LARGE1: variants seen among roughly 807,000 people sequenced by gnomAD.
The protein encoded by LARGE1 is xylosyl- and glucuronyltransferase LARGE1.
In LARGE1, 43 loss-of-function variants were observed where a neutral mutation model predicts 87.6. The observed-to-expected ratio is 0.49, with a 90% CI of 0.38 to 0.63. The LOEUF is 0.63. LARGE1 is among the 30% of genes least tolerant of loss of function. The pLI, the probability that LARGE1 is intolerant of heterozygous loss-of-function variation, is 0.00. For synonymous variants in LARGE1, 434 were observed against 394.6 expected (o/e 1.10, Z -1.18); for missense variants, 802 against 1,000.2 (o/e 0.80, Z 2.67).
intron 9 of LARGE1, among the ~76,000 whole-genome samples, chr22:33,342,821 G>A (rs1939311768): frequency 6.6e-6 from 1 of 152,138 alleles, no homozygotes; most frequent in Non-Finnish European, 1.5e-5. Flanking sequence ...TCTTAGGCAA[G>A]CAAAGGCGGT....
Position 33,490,627 on chromosome 22 carries a change from T to G in LARGE1, c.788-58362A>C, listed in dbSNP as rs144446879. Among the ~76,000 whole-genome samples the G allele has an allele frequency of 9.2e-5, 14 of 152,334 alleles. No individual in the cohort carries two copies. In the East Asian group the frequency reaches 2.5e-3, roughly 27 times the overall value. On this transcript the variant is annotated intron_variant, in intron 6 of 14. Transcript: ENST00000397394. Reference sequence around the variant, plus strand: ...TCCAACTAGAGTCAGATCAATCTGATAGTGGATGCCATAGTACCTGGGAAT... The same window carrying G: ...TCCAACTAGAGTCAGATCAATCTGAGAGTGGATGCCATAGTACCTGGGAAT...
At chr22:33,089,321 TTTCTTCTTCTTC>T in the LARGE1 span, among the ~76,000 whole-genome samples, 771 of 87,072 alleles carry the variant, frequency 8.9e-3, 7 homozygotes, top group Non-Finnish European at 0.011. Flanking sequence ...TTCTTTCTTC[TTTCTTCTTCTTC>T]TTCTTCTTCT....
At chr22:33,124,344 C>A in the LARGE1 span, among the ~76,000 whole-genome samples, 1 of 36,768 alleles carries the variant, frequency 2.7e-5, no homozygotes, top group African/African-American at 1.6e-4. Flanking sequence ...GACAAAGAGA[C>A]AAAGAAAGGA....
chr22:33,572,931 A>G (rs1283411353), intron 5 of LARGE1, among the ~76,000 whole-genome samples: 1 of 152,152 alleles, frequency 6.6e-6, no homozygotes, highest in East Asian at 1.9e-4. Context: ...CTGGAGACTG[A>G]CTGACTGGGT....
rs748524999 is a variant in LARGE1, at chr22:33,399,612, G to T, written c.893-15308C>A. On this transcript the variant is annotated intron_variant, in intron 7 of 14. Coordinates refer to ENST00000397394, the MANE Select transcript of LARGE1 (RefSeq NM_133642.5). ...TGCCCAGGCTGGAGTGCAATGGTGC[G>T]ATCTCGGCTCACTGCAAGCTCCACC... 4.7e-4 allele frequency among the ~76,000 whole-genome samples: 71 copies of T among 152,200 alleles called. 1 individual carries two copies. The highest frequency in any genetic ancestry group is 1.7e-3 in the African/African-American group (71 of 41,518).
chr22:33,714,853 G>A (rs921052314), intron 2 of LARGE1, among the ~76,000 whole-genome samples: 16 of 152,296 alleles, frequency 1.1e-4, no homozygotes, highest in East Asian at 3.9e-4. Flanking sequence ...TGATTACCTC[G>A]TGTGTAATGA....
intron 1 of LARGE1, among the ~76,000 whole-genome samples, chr22:33,877,244 TGGTGCCCTGGG>T: frequency 6.6e-6 from 1 of 152,310 alleles, no homozygotes; most frequent in East Asian, 1.9e-4. Flanking sequence ...TGTATAATAA[TGGTGCCCTGGG>T]GGTGCATCTG....
intron 6 of LARGE1, among the ~76,000 whole-genome samples, chr22:33,432,822 G>C (rs1268080430): frequency 6.6e-6 from 1 of 152,120 alleles, no homozygotes; most frequent in Non-Finnish European, 1.5e-5. Context: ...CCTTCTTACA[G>C]GGTTTTTGTT....
chr22:33,475,744 G>A (rs371262794), intron 6 of LARGE1, among the ~76,000 whole-genome samples: 11 of 152,232 alleles, frequency 7.2e-5, no homozygotes, highest in Admixed American at 5.9e-4. Flanking sequence ...GATTACAGGC[G>A]TGAGCCACCG....
Position 33,706,299 on chromosome 22 carries a change from T to C in LARGE1, c.106+55072A>G, listed in dbSNP as rs186823231. 3.9e-4 allele frequency among the ~76,000 whole-genome samples: 60 copies of C among 152,090 alleles called. No individual in the cohort carries two copies. The East Asian group carries it at 0.011, about 28-fold the overall frequency. On this transcript the variant is annotated intron_variant, in intron 2 of 14. Transcript: ENST00000397394. Reference sequence around the variant, plus strand: ...CTCAGCCCACACCCCCACACAAGCCTCCAGGGTACCGCCTCCAATGGCCAA... The same window carrying C: ...CTCAGCCCACACCCCCACACAAGCCCCCAGGGTACCGCCTCCAATGGCCAA...
chr22:33,769,525 C>T (rs1267244972), intron 1 of LARGE1, among the ~76,000 whole-genome samples: 2 of 152,188 alleles, frequency 1.3e-5, no homozygotes, highest in African/African-American at 2.4e-5. Context: ...ATCTCCATCA[C>T]GGCAGCAGTC....
the LARGE1 span, among the ~76,000 whole-genome samples, chr22:33,140,455 T>C: frequency 6.6e-6 from 1 of 152,210 alleles, no homozygotes; most frequent in Non-Finnish European, 1.5e-5. Flanking sequence ...TGTTCCTGTG[T>C]GTATCTGTGA....
intron 1 of LARGE1, among the ~76,000 whole-genome samples, chr22:33,890,312 T>G (rs2064971439): frequency 6.6e-6 from 1 of 152,144 alleles, no homozygotes; most frequent in South Asian, 2.1e-4. Context: ...GGGTTTTATG[T>G]GAGGATTTAA....
At chr22:33,453,649 A>G (rs1462614634) in intron 6 of LARGE1, among the ~76,000 whole-genome samples, 2 of 152,182 alleles carry the variant, frequency 1.3e-5, no homozygotes, top group African/African-American at 4.8e-5. Context: ...AGTCTGAGGC[A>G]GCCCATCTTC....
At chr22:33,649,489 T>G (rs1047074590) in intron 3 of LARGE1, among the ~76,000 whole-genome samples, 1 of 152,328 alleles carries the variant, frequency 6.6e-6, no homozygotes, top group Non-Finnish European at 1.5e-5. Context: ...TACTAGGCGC[T>G]AGTCAAGCCT....
intron 6 of LARGE1, among the ~76,000 whole-genome samples, chr22:33,461,333 T>C (rs574124029): frequency 3.3e-5 from 5 of 152,224 alleles, no homozygotes; most frequent in African/African-American, 1.2e-4. Flanking sequence ...GTCCCTAAAT[T>C]CTTTCCCTTT....
At chr22:33,240,132 C>A (rs1225683497) in intron 11 of LARGE1, among the ~76,000 whole-genome samples, 1 of 152,130 alleles carries the variant, frequency 6.6e-6, no homozygotes, top group Non-Finnish European at 1.5e-5. Flanking sequence ...TATGAGAGTT[C>A]CAGTTGCTTC....
chr22:33,798,815 CTTTCAT>C (rs1282862923), intron 1 of LARGE1, among the ~76,000 whole-genome samples: 5 of 152,308 alleles, frequency 3.3e-5, no homozygotes, highest in South Asian at 2.1e-4. Flanking sequence ...CACCCTAAAT[CTTTCAT>C]CCGGAGGAAT....
At chr22:33,762,353 T>TA (rs1338292976) in intron 1 of LARGE1, among the ~76,000 whole-genome samples, 1 of 149,510 alleles carries the variant, frequency 6.7e-6, no homozygotes, top group Non-Finnish European at 1.5e-5. Context: ...GAAGGGCAGA[T>TA]AAAGGTGCTG....
Sources: allele counts gnomAD v4.1 joint callset (sites outside exome capture counted in the v4.1 genomes callset), GRCh38; gene constraint gnomAD v4.1.1; transcripts MANE v1.5; gene names NCBI Gene and HGNC (gene_info 2026-07-23, HGNC 2026-07-21).